Variants in PTPRS observed in about 807,000 individuals in gnomAD.
PTPRS encodes the protein receptor-type tyrosine-protein phosphatase S.
Under a neutral mutation model 215.3 loss-of-function variants are expected in PTPRS, and 63 were observed. The ratio of observed to expected loss-of-function variants is 0.29; its 90% CI spans 0.24 to 0.36. The LOEUF is 0.36. Ranked by LOEUF, PTPRS falls within the 10% of genes least tolerant of loss-of-function variation. PTPRS has a pLI of 1.00. For synonymous variants in PTPRS, 1,404 were observed against 1,191.4 expected, an observed-to-expected ratio of 1.18 and a Z score of -3.68; for missense variants, 2,258 against 2,825.8, an observed-to-expected ratio of 0.80 and a Z score of 4.56.
chr19:5,326,538 T>G (rs1164133800), intron 1 of PTPRS, among the ~76,000 whole-genome samples: 1 of 151,964 alleles, frequency 6.6e-6, no homozygotes, highest in Non-Finnish European at 1.5e-5. Flanking sequence ...TGTCAAGTAC[T>G]GGCTGGGCAC....
intron 35 of PTPRS, among the ~76,000 whole-genome samples, chr19:5,209,632 T>G (rs1411960673): frequency 6.6e-6 from 1 of 152,188 alleles, no homozygotes; most frequent in African/African-American, 2.4e-5. Flanking sequence ...CTCCACCCCC[T>G]GCTGGCCAAA....
intron 1 of PTPRS, among the ~76,000 whole-genome samples, chr19:5,304,751 G>A (rs1257399963): frequency 6.6e-6 from 1 of 152,176 alleles, no homozygotes; most frequent in Non-Finnish European, 1.5e-5. Context: ...GGGAGAAATT[G>A]CGCTGGGCTG....
At chr19:5,274,068 G>C (rs2047151047) in intron 3 of PTPRS, 131 bp downstream of exon 3, 1 of 1,308,778 alleles carries the variant, frequency 7.6e-7, no homozygotes, top group South Asian at 1.5e-5. Flanking sequence ...AGGCTGCGCA[G>C]CCATGCTTGC....
chr19:5,263,418 T>C, intron 5 of PTPRS, among the ~76,000 whole-genome samples: 1 of 151,656 alleles, frequency 6.6e-6, no homozygotes, highest in Non-Finnish European at 1.5e-5. Context: ...AACAGGTAGG[T>C]AGGCTCTTTG....
chr19:5,312,395 T>C (rs1158055724), intron 1 of PTPRS, among the ~76,000 whole-genome samples: 1 of 151,666 alleles, frequency 6.6e-6, no homozygotes, highest in Admixed American at 6.6e-5. Flanking sequence ...GCATGGTGGC[T>C]CACACCTGTA....
In PTPRS at chr19:5,214,427, G is replaced by A; in HGVS notation, c.4548C>T (p.Ile1516=). 1 of 1,614,176 alleles carries A rather than the reference G, an allele frequency of 6.2e-7. No individual in the cohort carries two copies. Among genetic ancestry groups the A allele is most frequent in the Non-Finnish European group, 8.5e-7 (1 of 1,180,036 alleles). Reference sequence around the variant, plus strand: ...CGATGGTATCTAGCAACGTGACCTGGATGAAGCCGTAGGTCTCCGTGCCTC... The same window carrying A: ...CGATGGTATCTAGCAACGTGACCTGAATGAAGCCGTAGGTCTCCGTGCCTC... ...PNRGTETYGF[I]QVTLLDTIEL... Residue 1516 remains isoleucine (I), a synonymous_variant, in exon 30 of 38, where the codon ATC becomes ATT. Transcript: ENST00000262963.
In PTPRS at chr19:5,262,810, G is replaced by C. The variant is rs943343202; in HGVS notation, c.577+154C>G. Among the ~76,000 whole-genome samples the C allele has an allele frequency of 3.9e-5, 6 of 152,046 alleles. No homozygotes were observed. The South Asian group carries it at 1.2e-3, about 32-fold the overall frequency. ...TGGGGAGGGCTGAGGGGCCGGTCGCGGGGAGGAGGGAGAGGGCGTTAGTAA... is the reference window on the plus strand; with the variant it reads ...TGGGGAGGGCTGAGGGGCCGGTCGCCGGGAGGAGGGAGAGGGCGTTAGTAA... On this transcript the variant is annotated intron_variant, in intron 6 of 37. Coordinates refer to ENST00000262963, the MANE Select transcript of PTPRS (RefSeq NM_002850.4).
At chr19:5,284,743 T>G (rs2048194748) in intron 2 of PTPRS, among the ~76,000 whole-genome samples, 1 of 151,906 alleles carries the variant, frequency 6.6e-6, no homozygotes, top group South Asian at 2.1e-4. Context: ...GCTCAGGAGT[T>G]CGAGACCAGC....
intron 13 of PTPRS, among the ~76,000 whole-genome samples, chr19:5,233,628 C>T (rs1242719581): frequency 6.6e-6 from 1 of 151,394 alleles, no homozygotes; most frequent in African/African-American, 2.4e-5. Flanking sequence ...AGCATTGTGC[C>T]AAGGGCTTCA....
chr19:5,326,864 A>G (rs2050182959), intron 1 of PTPRS, among the ~76,000 whole-genome samples: 1 of 151,988 alleles, frequency 6.6e-6, no homozygotes, highest in South Asian at 2.1e-4. Context: ...GGAAGGAAGG[A>G]AAGAAGGAAT....
chr19:5,260,784 G>A (rs954187776), intron 7 of PTPRS, 21 bp downstream of exon 7: 1 of 1,613,628 alleles, frequency 6.2e-7, no homozygotes, highest in Non-Finnish European at 8.5e-7. Flanking sequence ...TGAGTGGGTG[G>A]GTGAGTGAGG....
intron 9 of PTPRS, among the ~76,000 whole-genome samples, chr19:5,250,347 C>G (rs2044886193): frequency 6.6e-6 from 1 of 152,232 alleles, no homozygotes; most frequent in South Asian, 2.1e-4. Flanking sequence ...GGGCGGGTGA[C>G]TGACGCTGTG....
chr19:5,318,552 A>G (rs764735019), intron 1 of PTPRS, among the ~76,000 whole-genome samples: 6 of 151,970 alleles, frequency 3.9e-5, no homozygotes, highest in African/African-American at 4.8e-5. Flanking sequence ...CTCCCCTCAC[A>G]TGGCTGCTGT....
At chr19:5,230,044 TAG>T (rs765191862) in intron 14 of PTPRS, among the ~76,000 whole-genome samples, 10 of 152,136 alleles carry the variant, frequency 6.6e-5, no homozygotes, top group Non-Finnish European at 1.2e-4. Flanking sequence ...AATTGAATCC[TAG>T]AGAGTTGATT....
At position 5,237,550 on chromosome 19, in the gene PTPRS, T is replaced by C. The variant is rs146553587; in HGVS notation, c.1849+1369A>G. Among the ~76,000 whole-genome samples the C allele has an allele frequency of 4.8e-4, 73 of 152,198 alleles. 1 individual carries two copies. The highest frequency in any genetic ancestry group is 1.7e-3 in the African/African-American group (72 of 41,510). On this transcript the variant is annotated intron_variant, in intron 13 of 37. Coordinates refer to ENST00000262963, the MANE Select transcript of PTPRS (RefSeq NM_002850.4). This position sits in a 1 kb window ranked among gnomAD's most constrained non-coding sequence, Gnocchi z 4.2. ...ATGTGCGTGCGTGGGCAGCGTGGCA[T>C]GGTGGTGGCACGTGGTTTGGGAGAG... is the stretch of plus-strand genomic sequence containing the variant.
chr19:5,266,229 A>G (rs2046386807), intron 4 of PTPRS, among the ~76,000 whole-genome samples: 1 of 151,810 alleles, frequency 6.6e-6, no homozygotes, highest in African/African-American at 2.4e-5. Flanking sequence ...ACTGCACTCT[A>G]GCCTGGGCGA....
At chr19:5,266,837 C>T (rs78559439) in intron 4 of PTPRS, among the ~76,000 whole-genome samples, 1,772 of 152,228 alleles carry the variant, frequency 0.012, 37 homozygotes, top group African/African-American at 0.04. Flanking sequence ...CATCAAGCCC[C>T]CTCCCTCGGG....
chr19:5,221,565 G>T (rs2041980479), intron 19 of PTPRS, among the ~76,000 whole-genome samples: 1 of 151,634 alleles, frequency 6.6e-6, no homozygotes, highest in Admixed American at 6.6e-5. Context: ...CAATCCCACT[G>T]AACCCTGAAC....
chr19:5,292,027 C>T (rs1412096186), intron 1 of PTPRS, among the ~76,000 whole-genome samples: 1 of 152,146 alleles, frequency 6.6e-6, no homozygotes, highest in Non-Finnish European at 1.5e-5. Flanking sequence ...CCTCAGGGCT[C>T]AGCTGAGCTG....
Sources: gnomAD v4.1 joint callset for allele counts (sites outside exome capture counted in the v4.1 genomes callset) on GRCh38, gnomAD v4.1.1 for gene constraint, Gnocchi (gnomAD v3.1) non-coding constraint, MANE v1.5 for transcripts, NCBI Gene and HGNC (gene_info 2026-07-23, HGNC 2026-07-21) for gene names.